The following EPHB1 variants were observed in gnomAD, a reference collection of about 807,000 sequenced individuals.
The protein encoded by EPHB1 is EPH receptor B1.
Under a neutral mutation model 94.4 loss-of-function variants are expected in EPHB1, and 30 were observed. The observed-to-expected ratio is 0.32, with a 90% CI of 0.24 to 0.43. The LOEUF is 0.43. EPHB1 is among the 20% of genes least tolerant of loss of function. The probability of loss-of-function intolerance (pLI) is 1.00; values close to 1 mark genes in which losing one functional copy is unlikely to be tolerated. For missense variants in EPHB1, 1,055 were observed against 1,308.3 expected (o/e 0.81, Z 2.99); for synonymous variants, 522 against 489.1 (o/e 1.07, Z -0.89).
intron 3 of EPHB1, among the ~76,000 whole-genome samples, chr3:134,982,056 G>A (rs1040736263): frequency 5.3e-5 from 8 of 152,190 alleles, no homozygotes; most frequent in African/African-American, 7.2e-5. Context: ...TAAGTTGCTC[G>A]TTCAATATCA....
At chr3:135,152,263 T>C (rs985786063) in intron 5 of EPHB1, among the ~76,000 whole-genome samples, 11 of 152,138 alleles carry the variant, frequency 7.2e-5, no homozygotes, top group Non-Finnish European at 1.3e-4. Flanking sequence ...CTTCAGTTGG[T>C]AGAAAGGAAA....
At chr3:135,138,086 C>T (rs776094342) in intron 5 of EPHB1, among the ~76,000 whole-genome samples, 39 of 152,222 alleles carry the variant, frequency 2.6e-4, no homozygotes, top group Non-Finnish European at 3.7e-4. Flanking sequence ...ACAATTTTCC[C>T]CTCACTTGCA....
chr3:135,195,318 G>T (rs1480664578), intron 11 of EPHB1, among the ~76,000 whole-genome samples: 2 of 151,666 alleles, frequency 1.3e-5, no homozygotes, highest in Admixed American at 1.3e-4. Flanking sequence ...TCTTCCTAGG[G>T]CCTGTTTTCT....
intron 7 of EPHB1, among the ~76,000 whole-genome samples, chr3:135,164,453 A>C (rs1941593829): frequency 1.3e-5 from 2 of 152,230 alleles, no homozygotes; most frequent in Admixed American, 6.5e-5. Context: ...AGGGGTCTGG[A>C]AACAGTCATG....
At chr3:134,820,406 C>T (rs909123324) in intron 1 of EPHB1, among the ~76,000 whole-genome samples, 3 of 152,230 alleles carry the variant, frequency 2.0e-5, no homozygotes, top group African/African-American at 7.2e-5. Context: ...ATTCCTTCCT[C>T]CCTCCTTTCT....
chr3:135,127,114 AG>A (rs988324951), intron 4 of EPHB1, among the ~76,000 whole-genome samples: 4 of 152,240 alleles, frequency 2.6e-5, no homozygotes, highest in African/African-American at 9.6e-5. Flanking sequence ...GAGACTTAGA[AG>A]TTCACTTTCT....
At chr3:134,811,242 G>GTTTTTTTTTGTTTTTT (rs2036169079) in intron 1 of EPHB1, among the ~76,000 whole-genome samples, 1 of 73,850 alleles carries the variant, frequency 1.4e-5, no homozygotes, top group Non-Finnish European at 2.7e-5. Flanking sequence ...TACTAAGAAG[G>GTTTTTTTTTGTTTTTT]TTTTTTTTTT....
intron 1 of EPHB1, among the ~76,000 whole-genome samples, chr3:134,916,432 C>T (rs979289252): frequency 3.3e-5 from 5 of 152,204 alleles, no homozygotes; most frequent in African/African-American, 1.2e-4. Flanking sequence ...GAGGCTCAGG[C>T]CGTGCAGGAG....
chr3:134,933,769 A>G (rs2038947416), intron 2 of EPHB1, among the ~76,000 whole-genome samples: 1 of 152,200 alleles, frequency 6.6e-6, no homozygotes, highest in South Asian at 2.1e-4. Flanking sequence ...TTCCCCAGTG[A>G]AATGCTACCC....
chr3:134,972,434 AAT>A (rs1934009201), intron 3 of EPHB1, among the ~76,000 whole-genome samples: 1 of 145,556 alleles, frequency 6.9e-6, no homozygotes, highest in Non-Finnish European at 1.5e-5. Flanking sequence ...TAAAAGAGGT[AAT>A]ATATATTATA....
At chr3:134,876,688 G>A (rs1412917368) in intron 1 of EPHB1, among the ~76,000 whole-genome samples, 1 of 152,196 alleles carries the variant, frequency 6.6e-6, no homozygotes, top group African/African-American at 2.4e-5. Flanking sequence ...TATGGCTGGG[G>A]TGATAGGTGA....
Position 134,845,735 on chromosome 3 carries a change from A to T in EPHB1, c.58+50046A>T, listed in dbSNP as rs374578466. On this transcript the variant is annotated intron_variant, in intron 1 of 15. Transcript: ENST00000398015. The stretch of plus-strand genomic sequence containing the variant: ...TACATGCTCACATTGCCTCTCTAGG[A>T]GGTATAATTTTATTTTTCCTGCCAC... Among the ~76,000 whole-genome samples the T allele has an allele frequency of 2.3e-3, 355 of 152,216 alleles. 15 individuals carry two copies. The South Asian group carries it at 0.072, about 31-fold the overall frequency.
chr3:134,921,336 T>C (rs1027250174), intron 1 of EPHB1, among the ~76,000 whole-genome samples: 1 of 152,112 alleles, frequency 6.6e-6, no homozygotes, highest in Admixed American at 6.5e-5. Context: ...CCAGGAAACC[T>C]CAAGCATTTC....
At chr3:135,242,903 C>A (rs1331138604) in intron 13 of EPHB1, among the ~76,000 whole-genome samples, 2 of 152,046 alleles carry the variant, frequency 1.3e-5, no homozygotes, top group African/African-American at 4.8e-5. Flanking sequence ...TGTGGTACAA[C>A]TTTGTCTCTG....
chr3:134,993,567 A>G (rs757871239), intron 3 of EPHB1, among the ~76,000 whole-genome samples: 6 of 152,178 alleles, frequency 3.9e-5, no homozygotes, highest in Non-Finnish European at 7.4e-5. Context: ...CCCCAGTACA[A>G]GGAGCCCAGA....
At chr3:135,059,072 A>T (rs1257801523) in intron 3 of EPHB1, among the ~76,000 whole-genome samples, 1 of 152,244 alleles carries the variant, frequency 6.6e-6, no homozygotes, top group Non-Finnish European at 1.5e-5. Context: ...AAATCATATC[A>T]GCAAATATTT....
At chr3:134,995,926 A>G (rs6789115) in intron 3 of EPHB1, among the ~76,000 whole-genome samples, 5,601 of 152,300 alleles carry the variant, frequency 0.037, 332 homozygotes, top group African/African-American at 0.13. Context: ...ACTACTACTA[A>G]TATATTGGTA....
At chr3:134,809,096 C>T (rs2108285263) in intron 1 of EPHB1, among the ~76,000 whole-genome samples, 2 of 152,362 alleles carry the variant, frequency 1.3e-5, no homozygotes, top group South Asian at 4.1e-4. Context: ...GGCCTAGTCT[C>T]ACCTGGAATT....
intron 3 of EPHB1, among the ~76,000 whole-genome samples, chr3:134,993,741 C>T (rs1409267308): frequency 1.3e-5 from 2 of 152,216 alleles, no homozygotes; most frequent in Non-Finnish European, 2.9e-5. Flanking sequence ...TCCCCATCAC[C>T]CTTAAATGTC....
Sources: allele counts gnomAD v4.1 joint callset (sites outside exome capture counted in the v4.1 genomes callset), GRCh38; gene constraint gnomAD v4.1.1; transcripts MANE v1.5; gene names NCBI Gene and HGNC (gene_info 2026-07-23, HGNC 2026-07-21).